The following FHOD3 variants were observed in gnomAD, a reference collection of about 807,000 sequenced individuals.
The protein encoded by FHOD3 is formin homology 2 domain containing 3, also known as FH1/FH2 domain-containing protein 3.
In FHOD3, 90 loss-of-function variants were observed where a neutral mutation model predicts 173.0. The observed-to-expected ratio is 0.52, with a 90% CI of 0.44 to 0.62. The LOEUF is 0.62. Ranked by LOEUF, FHOD3 falls within the 20% of genes least tolerant of loss-of-function variation. The pLI is 0.00. For missense variants in FHOD3, 1,945 were observed against 2,034.7 expected (o/e 0.96, Z 0.85); for synonymous variants, 828 against 823.0 (o/e 1.01, Z -0.10).
In FHOD3 at chr18:36,734,948, T is replaced by G. The variant is rs2041557816; in HGVS notation, c.3576+4144T>G. Among the ~76,000 whole-genome samples the G allele has an allele frequency of 2.6e-5, 4 of 152,340 alleles. No individual in the cohort carries two copies. In the South Asian group the frequency reaches 8.3e-4, roughly 32 times the overall value. Reference sequence around the variant, plus strand: ...TTGTCATGAAAACCTGAAAGAGTAGTTAACTTCATTAAGGAAGTCATTTTT... The same window carrying G: ...TTGTCATGAAAACCTGAAAGAGTAGGTAACTTCATTAAGGAAGTCATTTTT... On this transcript the variant is annotated intron_variant, in intron 20 of 28. Transcript: ENST00000590592.
chr18:36,648,894 T>C (rs953424563), intron 10 of FHOD3, among the ~76,000 whole-genome samples: 1 of 152,222 alleles, frequency 6.6e-6, no homozygotes. Flanking sequence ...GCAGTAAAGA[T>C]GTGAGGACTC....
intron 1 of FHOD3, among the ~76,000 whole-genome samples, chr18:36,353,121 G>A (rs148700574): frequency 7.9e-5 from 12 of 152,278 alleles, no homozygotes; most frequent in African/African-American, 2.9e-4. Context: ...AGACAGGTTG[G>A]CCAGTTTGTA....
chr18:36,689,738 G>A (rs1178987131), intron 16 of FHOD3, among the ~76,000 whole-genome samples: 2 of 152,108 alleles, frequency 1.3e-5, no homozygotes, highest in East Asian at 3.9e-4. Context: ...GTTAGTCTGA[G>A]GGAGACAGCA....
intron 9 of FHOD3, among the ~76,000 whole-genome samples, chr18:36,615,042 G>T (rs1173965323): frequency 6.6e-6 from 1 of 151,882 alleles, no homozygotes; most frequent in East Asian, 1.9e-4. Context: ...TAGAGATGGG[G>T]TTTCTCCATG....
At chr18:36,532,615 C>A (rs1189818236) in intron 5 of FHOD3, among the ~76,000 whole-genome samples, 4 of 152,190 alleles carry the variant, frequency 2.6e-5, no homozygotes, top group African/African-American at 9.7e-5. Flanking sequence ...CTTCCAAGAA[C>A]CCTCATGAGT....
chr18:36,733,764 TG>T (rs2041490529), intron 20 of FHOD3, among the ~76,000 whole-genome samples: 1 of 152,234 alleles, frequency 6.6e-6, no homozygotes, highest in East Asian at 1.9e-4. Context: ...GGATTTTTAC[TG>T]TGGGCCAGAC....
intron 3 of FHOD3, among the ~76,000 whole-genome samples, chr18:36,499,487 G>C (rs544703546): frequency 6.6e-6 from 1 of 152,102 alleles, no homozygotes. Context: ...CCACTTCTTT[G>C]GGGGTATACA....
chr18:36,719,420 CT>C (rs35045610), intron 19 of FHOD3, among the ~76,000 whole-genome samples: 55,498 of 152,044 alleles, frequency 0.37, 10,225 homozygotes, highest in South Asian at 0.45. Flanking sequence ...TTAATTTACA[CT>C]GATAAACTGC....
intron 3 of FHOD3, among the ~76,000 whole-genome samples, chr18:36,429,809 G>T (rs928714974): frequency 2.0e-5 from 3 of 152,090 alleles, no homozygotes; most frequent in Non-Finnish European, 4.4e-5. Flanking sequence ...GCATGAAACT[G>T]CTGGCACTAG....
intron 10 of FHOD3, among the ~76,000 whole-genome samples, chr18:36,638,094 TC>T (rs1190954960): frequency 6.6e-6 from 1 of 152,216 alleles, no homozygotes; most frequent in African/African-American, 2.4e-5. Flanking sequence ...TAAGCATACT[TC>T]CTTTCTCAAA....
chr18:36,486,330 A>T (rs893961072), intron 3 of FHOD3, among the ~76,000 whole-genome samples: 5 of 152,142 alleles, frequency 3.3e-5, no homozygotes, highest in Non-Finnish European at 7.3e-5. Flanking sequence ...ATGGTCAGTA[A>T]TGATTTTTGT....
At chr18:36,530,597 A>G (rs1330702335) in intron 5 of FHOD3, among the ~76,000 whole-genome samples, 1 of 152,150 alleles carries the variant, frequency 6.6e-6, no homozygotes, top group African/African-American at 2.4e-5. Flanking sequence ...ATGTACTGCA[A>G]TTATTTATTA....
intron 10 of FHOD3, among the ~76,000 whole-genome samples, chr18:36,640,227 G>T (rs2035207517): frequency 6.6e-6 from 1 of 152,186 alleles, no homozygotes. Context: ...GGAAACATCA[G>T]AGCAACAGCT....
At chr18:36,425,963 C>T (rs974543249) in intron 3 of FHOD3, among the ~76,000 whole-genome samples, 8 of 151,098 alleles carry the variant, frequency 5.3e-5, no homozygotes, top group Admixed American at 2.0e-4. Context: ...TGCAGTGGCG[C>T]GATCTTGGCT....
chr18:36,471,980 C>T (rs1393625864), intron 3 of FHOD3, among the ~76,000 whole-genome samples: 1 of 152,026 alleles, frequency 6.6e-6, no homozygotes, highest in African/African-American at 2.4e-5. Context: ...ATTTTAGTTC[C>T]CAGGGTTAAA....
intron 17 of FHOD3, among the ~76,000 whole-genome samples, chr18:36,694,845 T>C (rs2039168363): frequency 1.3e-5 from 2 of 152,228 alleles, no homozygotes. Context: ...CTCTCCTTGA[T>C]GTTTGTGGCA....
At chr18:36,412,716 T>C (rs985916817) in intron 3 of FHOD3, among the ~76,000 whole-genome samples, 1 of 152,244 alleles carries the variant, frequency 6.6e-6, no homozygotes, top group African/African-American at 2.4e-5. Context: ...TTGTTTTAAT[T>C]AAAGGATGTT....
At chr18:36,540,656 G>A (rs1489409111) in intron 5 of FHOD3, among the ~76,000 whole-genome samples, 1 of 152,144 alleles carries the variant, frequency 6.6e-6, no homozygotes, top group East Asian at 1.9e-4. Flanking sequence ...AAGAGTATAG[G>A]GGGAGAAGGG....
At chr18:36,727,806 C>T (rs2041153597) in intron 19 of FHOD3, among the ~76,000 whole-genome samples, 1 of 152,210 alleles carries the variant, frequency 6.6e-6, no homozygotes, top group Non-Finnish European at 1.5e-5. Flanking sequence ...AGTAGTGCTT[C>T]TCCCCCAAGC....
Sources: gnomAD v4.1 joint callset for allele counts (sites outside exome capture counted in the v4.1 genomes callset) on GRCh38, gnomAD v4.1.1 for gene constraint, MANE v1.5 for transcripts, NCBI Gene and HGNC (gene_info 2026-07-23, HGNC 2026-07-21) for gene names.